NPLOC4: variants seen among roughly 807,000 people sequenced by gnomAD.
NPLOC4 encodes nuclear protein localization protein 4 homolog.
In NPLOC4, 18 loss-of-function variants were observed where a neutral mutation model predicts 80.6. That is an observed-to-expected ratio of 0.22 (90% CI 0.15 to 0.33). The LOEUF (loss-of-function observed/expected upper bound fraction) is 0.33. Ranked by LOEUF, NPLOC4 falls within the 10% of genes least tolerant of loss-of-function variation. The probability of loss-of-function intolerance (pLI) is 1.00; values close to 1 mark genes in which losing one functional copy is unlikely to be tolerated. For missense variants in NPLOC4, 540 were observed against 786.1 expected (o/e 0.69, Z 3.74); for synonymous variants, 313 against 301.5 (o/e 1.04, Z -0.39).
intron 3 of NPLOC4, among the ~76,000 whole-genome samples, chr17:81,620,785 A>T (rs1042456452): frequency 9.8e-5 from 15 of 152,300 alleles, no homozygotes; most frequent in Middle Eastern, 3.4e-3. Flanking sequence ...TGGAACAGAG[A>T]GTGTGCACTC....
At chr17:81,570,762 G>A (rs1598621348) in intron 13 of NPLOC4, among the ~76,000 whole-genome samples, 2 of 152,312 alleles carry the variant, frequency 1.3e-5, no homozygotes, top group African/African-American at 4.8e-5. Context: ...GCCAGCGCCT[G>A]TGGCCCAGGG....
At position 81,579,207 on chromosome 17, in the gene NPLOC4, T is replaced by C. The variant is rs542619489; in HGVS notation, c.1282-7119A>G. 7.2e-5 allele frequency among the ~76,000 whole-genome samples: 11 copies of C among 152,274 alleles called. No homozygotes were observed. The East Asian group carries it at 2.1e-3, about 29-fold the overall frequency. ...TGGCCAACATGGCAAAACCCCTCTC[T>C]ACTAAAAATACAAAAAAGAAATTAG... On this transcript the variant is annotated intron_variant, in intron 12 of 16. Coordinates refer to ENST00000331134, the MANE Select transcript of NPLOC4 (RefSeq NM_017921.4).
intron 12 of NPLOC4, among the ~76,000 whole-genome samples, chr17:81,583,921 A>G (rs1245692796): frequency 6.6e-6 from 1 of 152,242 alleles, no homozygotes; most frequent in East Asian, 1.9e-4. Flanking sequence ...GTATAGATGC[A>G]TTTTTAATTT....
In NPLOC4 at chr17:81,608,832, C is replaced by G; in HGVS notation, c.436-10G>C. ...AGTCCTCATCGAATGGCTGCCAAGA[C>G]ACAGAGTAAGCGAGTGCAGTCTCAC... On this transcript the variant is annotated splice_polypyrimidine_tract_variant and intron_variant, in intron 5 of 16. Transcript: ENST00000331134. The G allele has an allele frequency of 1.3e-6, 2 of 1,568,256 alleles. No individual in the cohort carries two copies. The highest frequency in any genetic ancestry group is 1.7e-6 in the Non-Finnish European group (2 of 1,155,672).
At chr17:81,605,824 C>CT (rs766106515) in intron 7 of NPLOC4, among the ~76,000 whole-genome samples, 12,649 of 140,966 alleles carry the variant, frequency 0.09, 697 homozygotes, top group Middle Eastern at 0.18. Flanking sequence ...AACACATTTT[C>CT]TTTTTTTTTT....
At chr17:81,568,774 G>A (rs942083956) in intron 14 of NPLOC4, among the ~76,000 whole-genome samples, 15 of 152,230 alleles carry the variant, frequency 9.9e-5, no homozygotes, top group African/African-American at 3.6e-4. Flanking sequence ...GGAAAATTAC[G>A]AGGTCCACTG....
intron 15 of NPLOC4, among the ~76,000 whole-genome samples, chr17:81,566,034 A>T (rs1421703740): frequency 2.6e-5 from 4 of 152,194 alleles, no homozygotes; most frequent in Non-Finnish European, 5.9e-5. Flanking sequence ...GTCAAACTGC[A>T]GGGGATTAAT....
chr17:81,602,489 G>A (rs1195543891), intron 8 of NPLOC4, among the ~76,000 whole-genome samples: 1 of 152,016 alleles, frequency 6.6e-6, no homozygotes, highest in Non-Finnish European at 1.5e-5. Context: ...TGGATCACGA[G>A]GTCAGGAGTT....
In NPLOC4 at chr17:81,572,068, G is replaced by A. The variant is rs750842676; in HGVS notation, c.1302C>T (p.Asn434=). The change falls in exon 13 of 17, where the codon AAC becomes AAT. Residue 434 remains asparagine, a synonymous_variant. Coordinates refer to ENST00000331134, the MANE Select transcript of NPLOC4 (RefSeq NM_017921.4). The surrounding 1 kb of genome is among the most constrained non-coding windows in gnomAD (Gnocchi z 4.5). ...VFYKDVDKFG[N]EITQLARPLP... ...GGGGCCGGGCCAGCTGGGTGATCTC[G>A]TTGCCAAACTTGTCTACGTCCTGCA... The A allele has an allele frequency of 3.1e-5, 50 of 1,608,948 alleles. No homozygotes were observed. The highest frequency in any genetic ancestry group is 2.7e-4 in the African/African-American group (20 of 74,614).
intron 9 of NPLOC4, among the ~76,000 whole-genome samples, chr17:81,599,396 T>C (rs371318415): frequency 1.3e-5 from 2 of 152,202 alleles, no homozygotes; most frequent in East Asian, 3.8e-4. Flanking sequence ...GGTCAAAAAA[T>C]TGGACCAATC....
At chr17:81,635,765 T>C (rs527856710) in intron 1 of NPLOC4, among the ~76,000 whole-genome samples, 1 of 152,256 alleles carries the variant, frequency 6.6e-6, no homozygotes, top group East Asian at 1.9e-4. Context: ...AATGCTACAG[T>C]ATGAACATTA....
At chr17:81,604,481 T>C (rs1026746666) in intron 8 of NPLOC4, 67 bp downstream of exon 8, 27 of 1,476,090 alleles carry the variant, frequency 1.8e-5, no homozygotes, top group Non-Finnish European at 2.3e-5. Context: ...GCAAGGCCTC[T>C]CCGAAAGGGC....
intron 16 of NPLOC4, chr17:81,564,181 T>C (rs79440371): frequency 0.13 from 27,517 of 205,426 alleles, 2,291 homozygotes; most frequent in Admixed American, 0.23. Flanking sequence ...ATGTGATCAA[T>C]CATACCCCAA....
intron 11 of NPLOC4, among the ~76,000 whole-genome samples, chr17:81,595,530 A>ATTT (rs200287444): frequency 8.8e-6 from 1 of 113,128 alleles, no homozygotes. Flanking sequence ...ACATATATAT[A>ATTT]TATATTTTTT....
At chr17:81,633,182 T>C (rs975366766) in intron 1 of NPLOC4, among the ~76,000 whole-genome samples, 8 of 151,738 alleles carry the variant, frequency 5.3e-5, no homozygotes, top group Admixed American at 4.6e-4. Flanking sequence ...TAACGTCTAG[T>C]ATACTTCATT....
At chr17:81,605,640 T>A (rs561532747) in intron 7 of NPLOC4, among the ~76,000 whole-genome samples, 2 of 147,602 alleles carry the variant, frequency 1.4e-5, no homozygotes, top group Non-Finnish European at 1.5e-5. Flanking sequence ...GGAGTGAGAC[T>A]CTGTCTCAAA....
At chr17:81,565,398 A>G (rs1479348192) in intron 16 of NPLOC4, 107 bp downstream of exon 16, 1 of 966,852 alleles carries the variant, frequency 1.0e-6, no homozygotes, top group Admixed American at 2.0e-5. Flanking sequence ...GCCAGGATGC[A>G]GCTGGGTGCG....
intron 2 of NPLOC4, among the ~76,000 whole-genome samples, chr17:81,626,888 G>C (rs1404094139): frequency 1.3e-5 from 2 of 150,680 alleles, no homozygotes; most frequent in African/African-American, 4.9e-5. Flanking sequence ...TCAGGAATTC[G>C]AGACCAGACT....
chr17:81,603,113 C>T (rs2035111900), intron 8 of NPLOC4, among the ~76,000 whole-genome samples: 1 of 149,666 alleles, frequency 6.7e-6, no homozygotes, highest in Non-Finnish European at 1.5e-5. Context: ...GCAATTGAGG[C>T]TGCATTGAGC....
Sources: gnomAD v4.1 joint callset for allele counts (sites outside exome capture counted in the v4.1 genomes callset) on GRCh38, gnomAD v4.1.1 for gene constraint, Gnocchi (gnomAD v3.1) non-coding constraint, MANE v1.5 for transcripts, NCBI Gene and HGNC (gene_info 2026-07-23, HGNC 2026-07-21) for gene names.